The following OSBPL1A variants were observed in gnomAD, a reference collection of about 807,000 sequenced individuals.
The protein encoded by OSBPL1A is oxysterol binding protein like 1A, also known as oxysterol-binding protein-related protein 1.
A neutral mutation model predicts 137.1 loss-of-function variants in OSBPL1A; 80 were observed. That is an observed-to-expected ratio of 0.58 (90% CI 0.49 to 0.70). The LOEUF is 0.70. OSBPL1A is among the 30% of genes least tolerant of loss of function. The pLI is 0.00. For synonymous variants in OSBPL1A, 365 were observed against 389.7 expected (o/e 0.94, Z 0.75); for missense variants, 970 against 1,129.4 (o/e 0.86, Z 2.02).
chr18:24,193,143 C>A (rs1301075063), intron 18 of OSBPL1A, among the ~76,000 whole-genome samples: 1 of 152,120 alleles, frequency 6.6e-6, no homozygotes, highest in African/African-American at 2.4e-5. Context: ...CTCAGTTTCA[C>A]CCCCACAAAA....
chr18:24,286,833 C>T (rs572219418), intron 14 of OSBPL1A, among the ~76,000 whole-genome samples: 3 of 152,222 alleles, frequency 2.0e-5, no homozygotes, highest in South Asian at 4.1e-4. Flanking sequence ...GTGGCAGCCA[C>T]GTGGCAGGCA....
At chr18:24,391,056 C>T (rs1332311811) in intron 1 of OSBPL1A, among the ~76,000 whole-genome samples, 1 of 151,868 alleles carries the variant, frequency 6.6e-6, no homozygotes, top group Non-Finnish European at 1.5e-5. Context: ...GCCGAGATCC[C>T]ACCACTTTGC....
At chr18:24,277,501 A>C (rs949566159) in intron 15 of OSBPL1A, among the ~76,000 whole-genome samples, 4 of 152,200 alleles carry the variant, frequency 2.6e-5, no homozygotes, top group Non-Finnish European at 4.4e-5. Context: ...TTACTCTTTA[A>C]AACAATCCCT....
intron 27 of OSBPL1A, 36 bp downstream of exon 27, chr18:24,165,029 G>T (rs764701505): frequency 6.2e-7 from 1 of 1,607,122 alleles, no homozygotes; most frequent in Admixed American, 1.7e-5. Context: ...CAGCCTGCCT[G>T]AGGGCTCAGC....
At chr18:24,303,779 C>T in intron 13 of OSBPL1A, 61 bp from the exon 14 acceptor site, 1 of 1,378,580 alleles carries the variant, frequency 7.3e-7, no homozygotes, top group Non-Finnish European at 1.0e-6. Flanking sequence ...ATTACTTATG[C>T]TTTAGTGTTT....
At chr18:24,228,948 C>A (rs569384978) in intron 16 of OSBPL1A, among the ~76,000 whole-genome samples, 1 of 152,252 alleles carries the variant, frequency 6.6e-6, no homozygotes, top group East Asian at 1.9e-4. Context: ...CACCTGTAAT[C>A]CCAGCACTTG....
intron 15 of OSBPL1A, among the ~76,000 whole-genome samples, chr18:24,250,806 T>C (rs1168378324): frequency 6.6e-6 from 1 of 152,182 alleles, no homozygotes; most frequent in Admixed American, 6.5e-5. Context: ...AGGCTCTTAG[T>C]GTCATGGAGT....
chr18:24,225,640 T>C (rs374142440), intron 16 of OSBPL1A, among the ~76,000 whole-genome samples: 2 of 152,128 alleles, frequency 1.3e-5, no homozygotes, highest in Admixed American at 6.5e-5. Flanking sequence ...CATCCAATAC[T>C]GTAGACATAA....
intron 7 of OSBPL1A, among the ~76,000 whole-genome samples, chr18:24,331,626 G>A: frequency 6.6e-6 from 1 of 150,570 alleles, no homozygotes; most frequent in African/African-American, 2.5e-5. Context: ...TCGATCTCCT[G>A]ACCTCGTGAT....
chr18:24,268,206 C>G (rs768705707), intron 15 of OSBPL1A, among the ~76,000 whole-genome samples: 1 of 152,144 alleles, frequency 6.6e-6, no homozygotes, highest in Non-Finnish European at 1.5e-5. Context: ...ACCTCCCCTT[C>G]CCAGGCCCAA....
intron 13 of OSBPL1A, among the ~76,000 whole-genome samples, chr18:24,307,092 C>CAAAAAA (rs373469036): frequency 7.6e-6 from 1 of 131,890 alleles, no homozygotes; most frequent in Admixed American, 8.2e-5. Flanking sequence ...CTAATCTCTA[C>CAAAAAA]AAAAAAAAAA....
At chr18:24,297,589 G>C (rs55771562) in intron 14 of OSBPL1A, among the ~76,000 whole-genome samples, 51,746 of 151,958 alleles carry the variant, frequency 0.34, 9,696 homozygotes, top group Middle Eastern at 0.46. Context: ...TTGATAACTT[G>C]TGTCACTACT....
chr18:24,358,313 G>A lies in OSBPL1A; in HGVS notation c.282+8579C>T, dbSNP rs958477721. ...AGGCCTGGCTGCTCATCCCCAACAG[G>A]GACAACTTTGAAGCATCATCTCCTC... is the stretch of plus-strand genomic sequence containing the variant. On this transcript the variant is annotated intron_variant, in intron 4 of 27. Coordinates refer to ENST00000319481, the MANE Select transcript of OSBPL1A (RefSeq NM_080597.4). 3.5e-5 allele frequency: 21 copies of A among 606,196 alleles called. No individual in the cohort carries two copies. The African/African-American group carries it at 3.7e-4, about 11-fold the overall frequency. The allele number at this position is 606,196 out of a possible 1,614,324, so 37.6% of individuals were successfully genotyped here. A position where few individuals can be genotyped will look rare whatever the true frequency, so the allele number is the denominator to read the frequency against.
At chr18:24,180,407 T>C (rs2145922778) in intron 19 of OSBPL1A, among the ~76,000 whole-genome samples, 1 of 152,278 alleles carries the variant, frequency 6.6e-6, no homozygotes, top group African/African-American at 2.4e-5. Flanking sequence ...TTTTAACATA[T>C]AGCAATGTAT....
chr18:24,258,925 CTT>C (rs543867145), intron 15 of OSBPL1A, among the ~76,000 whole-genome samples: 5,915 of 92,518 alleles, frequency 0.064, 151 homozygotes, highest in African/African-American at 0.12. Context: ...AAAATTACAT[CTT>C]TTTTTTTTTT....
At chr18:24,219,219 G>C (rs1015204790) in intron 17 of OSBPL1A, among the ~76,000 whole-genome samples, 1 of 152,134 alleles carries the variant, frequency 6.6e-6, no homozygotes, top group Non-Finnish European at 1.5e-5. Context: ...CTGAGACCAA[G>C]GAGGTTGAGG....
Position 24,314,364 on chromosome 18 carries a change from T to G in OSBPL1A, c.871-17A>C. ...GGATTTTACCTTGGATATAAAGAAG[T>G]CAGTAAGACAACATTCATTCACATA... On this transcript the variant is annotated splice_polypyrimidine_tract_variant and intron_variant, in intron 11 of 27. Transcript: ENST00000319481. 6.5e-7 allele frequency: 1 copy of G among 1,535,588 alleles called. No individual in the cohort carries two copies. The highest frequency in any genetic ancestry group is 8.9e-7 in the Non-Finnish European group (1 of 1,124,712).
chr18:24,281,817 C>G (rs904205716), intron 14 of OSBPL1A, among the ~76,000 whole-genome samples: 1 of 152,162 alleles, frequency 6.6e-6, no homozygotes, highest in African/African-American at 2.4e-5. Context: ...TCCCCAGACC[C>G]GGGCTGCAGA....
At chr18:24,297,510 C>T (rs2090314154) in intron 14 of OSBPL1A, among the ~76,000 whole-genome samples, 1 of 152,122 alleles carries the variant, frequency 6.6e-6, no homozygotes, top group Non-Finnish European at 1.5e-5. Flanking sequence ...CTCTTTCCGA[C>T]TTTTTAATGC....
Sources: allele counts gnomAD v4.1 joint callset (sites outside exome capture counted in the v4.1 genomes callset), GRCh38; gene constraint gnomAD v4.1.1; transcripts MANE v1.5; gene names NCBI Gene and HGNC (gene_info 2026-07-23, HGNC 2026-07-21).